The following TBXAS1 variants were observed in gnomAD, a reference collection of about 807,000 sequenced individuals.
TBXAS1 encodes the protein thromboxane A synthase 1.
Under a neutral mutation model 60.7 loss-of-function variants are expected in TBXAS1, and 48 were observed. That is an observed-to-expected ratio of 0.79 (90% CI 0.63 to 1.01). The LOEUF (loss-of-function observed/expected upper bound fraction) is 1.01. TBXAS1 is among the 50% of genes least tolerant of loss of function. The pLI is 0.00. For synonymous variants in TBXAS1, 287 were observed against 269.7 expected, an observed-to-expected ratio of 1.06 and a Z score of -0.63; for missense variants, 685 against 686.3, an observed-to-expected ratio of 1.00 and a Z score of 0.02.
At chr7:139,955,312 C>A (rs1363503659) in intron 6 of TBXAS1, 147 bp from the exon 7 acceptor site, 2 of 1,059,568 alleles carry the variant, frequency 1.9e-6, no homozygotes, top group East Asian at 2.4e-5. Flanking sequence ...CACCTCCCCC[C>A]AGATCTGCAG....
intron 3 of TBXAS1, chr7:139,906,071 T>C (rs1272499413): frequency 3.2e-5 from 3 of 94,220 alleles, no homozygotes; most frequent in South Asian, 2.3e-4. Context: ...CTCTAGCATC[T>C]TTTTTTTTTT....
rs1361290281 is a variant in TBXAS1 at position 139,940,541 on chromosome 7, C to T, written c.450+4234C>T. Among the ~76,000 whole-genome samples, 3 of 152,148 alleles carry T rather than the reference C, an allele frequency of 2.0e-5. No individual in the cohort carries two copies. In the East Asian group the frequency reaches 5.8e-4, roughly 29 times the overall value. On this transcript the variant is annotated intron_variant, in intron 5 of 12. Coordinates refer to ENST00000448866, the MANE Select transcript of TBXAS1 (RefSeq NM_001061.7). ...AGAGCCAGCGTGGAAAGCCCCGGCA[C>T]AGTGAGTGTTCCTGTTGGTCCCCTC...
intron 9 of TBXAS1, among the ~76,000 whole-genome samples, chr7:140,006,001 G>A (rs959690460): frequency 1.3e-5 from 2 of 152,210 alleles, no homozygotes; most frequent in Non-Finnish European, 2.9e-5. Flanking sequence ...CTCCAGGGCT[G>A]TGAAGGGCTC....
At chr7:140,006,093 C>G (rs1042502687) in intron 9 of TBXAS1, among the ~76,000 whole-genome samples, 3 of 152,200 alleles carry the variant, frequency 2.0e-5, no homozygotes, top group African/African-American at 7.2e-5. Flanking sequence ...CCCTGAAGGC[C>G]GGCCTCCTGC....
intron 4 of TBXAS1, among the ~76,000 whole-genome samples, chr7:139,931,115 A>G (rs992213648): frequency 2.0e-5 from 3 of 152,150 alleles, no homozygotes; most frequent in African/African-American, 7.2e-5. Context: ...ATACACACAC[A>G]CACATATCTT....
chr7:139,986,762 T>C (rs1812505735), intron 9 of TBXAS1, among the ~76,000 whole-genome samples: 1 of 27,896 alleles, frequency 3.6e-5, no homozygotes, highest in Non-Finnish European at 6.2e-5. Context: ...TATATGTGTG[T>C]GTGTGTGTGT....
At chr7:139,977,852 T>A (rs1448926227) in intron 9 of TBXAS1, among the ~76,000 whole-genome samples, 1 of 152,266 alleles carries the variant, frequency 6.6e-6, no homozygotes, top group East Asian at 1.9e-4. Flanking sequence ...ATAATTTTTA[T>A]GTGTTAAACA....
intron 4 of TBXAS1, among the ~76,000 whole-genome samples, chr7:139,812,605 G>A (rs1798045395): frequency 6.6e-6 from 1 of 152,132 alleles, no homozygotes; most frequent in Admixed American, 6.5e-5. Flanking sequence ...AATGAGTTGA[G>A]GGGACTTGCA....
At chr7:139,969,720 G>C (rs1811054892) in intron 9 of TBXAS1, among the ~76,000 whole-genome samples, 1 of 152,198 alleles carries the variant, frequency 6.6e-6, no homozygotes, top group South Asian at 2.1e-4. Flanking sequence ...GCCCAGGTCT[G>C]CTGGGGTCGG....
chr7:139,991,071 C>G (rs1350638651), intron 9 of TBXAS1, among the ~76,000 whole-genome samples: 8 of 152,204 alleles, frequency 5.3e-5, no homozygotes, highest in African/African-American at 1.9e-4. Context: ...TGGGCTGAAA[C>G]GTGGCTGGAA....
At chr7:139,785,086 G>T (rs1474603448) in intron 3 of TBXAS1, among the ~76,000 whole-genome samples, 1 of 152,142 alleles carries the variant, frequency 6.6e-6, no homozygotes, top group Non-Finnish European at 1.5e-5. Context: ...CTCCCTAGGG[G>T]ATACATTTAC....
At chr7:139,904,374 T>C (rs891706793) in intron 3 of TBXAS1, among the ~76,000 whole-genome samples, 4 of 152,112 alleles carry the variant, frequency 2.6e-5, no homozygotes, top group Admixed American at 6.5e-5. Flanking sequence ...TGAAATCAGA[T>C]AGTGAGATAC....
At chr7:139,792,264 G>A (rs541797736) in intron 4 of TBXAS1, among the ~76,000 whole-genome samples, 1 of 152,296 alleles carries the variant, frequency 6.6e-6, no homozygotes, top group African/African-American at 2.4e-5. Flanking sequence ...ATCAGATCCT[G>A]ATAACTCTTG....
upstream of TBXAS1, chr7:139,829,111 C>T: frequency 3.8e-6 from 2 of 526,122 alleles, no homozygotes; most frequent in South Asian, 3.3e-5. Flanking sequence ...CTTTTCTTCT[C>T]TGAGGAAGTT....
chr7:139,893,097 T>C (rs1349298860), intron 3 of TBXAS1, among the ~76,000 whole-genome samples: 1 of 152,120 alleles, frequency 6.6e-6, no homozygotes, highest in African/African-American at 2.4e-5. Flanking sequence ...GCCATTAAAT[T>C]TTCTCTTCTT....
intron 9 of TBXAS1, among the ~76,000 whole-genome samples, chr7:140,001,216 G>A (rs1175342713): frequency 2.0e-5 from 3 of 152,310 alleles, no homozygotes; most frequent in Admixed American, 6.5e-5. Flanking sequence ...TGAAACAGGA[G>A]GCAGAGAGAA....
rs1800312711 is a variant in TBXAS1, at chr7:139,852,868, C to A, written c.90-19367C>A. ...CCTACTCGGCTGGGTACAAAAGAAC[C>A]TAGAATTATTCTGAGCACCCACTAC... On this transcript the variant is annotated intron_variant, in intron 1 of 12. Coordinates refer to ENST00000448866, the MANE Select transcript of TBXAS1 (RefSeq NM_001061.7). The surrounding 1 kb of genome is among the most constrained non-coding windows in gnomAD (Gnocchi z 4.4). 6.6e-6 allele frequency among the ~76,000 whole-genome samples: 1 copy of A among 150,402 alleles called. No homozygotes were observed. The highest frequency in any genetic ancestry group is 2.4e-5 in the African/African-American group (1 of 41,016).
intron 4 of TBXAS1, among the ~76,000 whole-genome samples, chr7:139,807,632 C>T (rs1316176164): frequency 6.6e-6 from 1 of 152,164 alleles, no homozygotes. Context: ...ATCCACCCAC[C>T]TCAGCCTCCC....
chr7:139,978,932 G>A (rs192145870), intron 9 of TBXAS1, among the ~76,000 whole-genome samples: 1 of 152,298 alleles, frequency 6.6e-6, no homozygotes, highest in East Asian at 1.9e-4. Flanking sequence ...TCTAGCATGG[G>A]CGACAAAACA....
Sources: allele counts gnomAD v4.1 joint callset (sites outside exome capture counted in the v4.1 genomes callset), GRCh38; gene constraint gnomAD v4.1.1; non-coding constraint Gnocchi (gnomAD v3.1); transcripts MANE v1.5; gene names NCBI Gene and HGNC (gene_info 2026-07-23, HGNC 2026-07-21).